VRK3: variants seen among roughly 807,000 people sequenced by gnomAD.
The protein encoded by VRK3 is VRK serine/threonine kinase 3, also known as serine/threonine-protein kinase VRK3.
A neutral mutation model predicts 60.4 loss-of-function variants in VRK3; 50 were observed. The observed-to-expected ratio is 0.83, with a 90% CI of 0.66 to 1.05. The LOEUF is 1.05. Ranked by LOEUF, VRK3 falls within the 50% of genes least tolerant of loss-of-function variation. VRK3 has a pLI of 0.00. For missense variants in VRK3, 549 were observed against 585.3 expected, an observed-to-expected ratio of 0.94 and a Z score of 0.64; for synonymous variants, 246 against 227.8, an observed-to-expected ratio of 1.08 and a Z score of -0.72.
chr19:50,007,962 G>A (rs562985941), intron 4 of VRK3, 136 bp from the exon 5 acceptor site: 215 of 1,294,836 alleles, frequency 1.7e-4, no homozygotes, highest in Non-Finnish European at 2.1e-4. Flanking sequence ...CCTTCTATGA[G>A]TCAGGCCTTT....
chr19:49,984,899 C>T (rs560676257), intron 12 of VRK3, among the ~76,000 whole-genome samples: 21 of 152,342 alleles, frequency 1.4e-4, no homozygotes, highest in African/African-American at 5.0e-4. Flanking sequence ...GCTGAGATTA[C>T]AGGCGTGAGC....
intron 4 of VRK3, among the ~76,000 whole-genome samples, chr19:50,008,040 G>C (rs950447982): frequency 2.0e-5 from 3 of 152,160 alleles, no homozygotes; most frequent in African/African-American, 7.2e-5. Context: ...GCCCAGTTTG[G>C]TGGGCAAGTC....
intron 6 of VRK3, chr19:49,998,480 A>C (rs1256024199): frequency 5.6e-5 from 2 of 35,744 alleles, no homozygotes; most frequent in Admixed American, 2.5e-4. Flanking sequence ...ATTTTGTAGC[A>C]AAAAAAAAAA....
Position 49,989,733 on chromosome 19 carries a change from G to A in VRK3, c.1002C>T (p.Cys334=), listed in dbSNP as rs1227382855. 2.5e-6 allele frequency: 4 copies of A among 1,613,446 alleles called. No homozygotes were observed. The highest frequency in any genetic ancestry group is 3.4e-6 in the Non-Finnish European group (4 of 1,179,648). ...LAGYGFAFRY[C]PSGKHVAYVE... ...CGTAGGCCACGTGTTTGCCACTTGG[G>A]CAATAGCGGAAGGCGAAGCCATAGC... The change falls in exon 11 of 15, where the codon TGC becomes TGT. Residue 334 remains cysteine (C), a synonymous_variant. Transcript: ENST00000316763.
intron 2 of VRK3, among the ~76,000 whole-genome samples, chr19:50,017,433 G>T (rs2077096176): frequency 6.6e-6 from 1 of 151,314 alleles, no homozygotes; most frequent in African/African-American, 2.4e-5. Context: ...AATTAGCCAG[G>T]CGTGGTGGTG....
chr19:49,992,736 T>G, intron 10 of VRK3, 124 bp downstream of exon 10: 1 of 798,778 alleles, frequency 1.3e-6, no homozygotes, highest in South Asian at 2.1e-5. Context: ...TTGAAGGAGC[T>G]CTTTATATAT....
intron 1 of VRK3, among the ~76,000 whole-genome samples, chr19:50,021,989 A>G (rs1002624214): frequency 6.6e-6 from 1 of 152,076 alleles, no homozygotes; most frequent in Non-Finnish European, 1.5e-5. Flanking sequence ...GGCGAGCCAG[A>G]CACATGATTT....
chr19:49,979,629 T>C (rs1048146048), intron 13 of VRK3, among the ~76,000 whole-genome samples: 14 of 152,210 alleles, frequency 9.2e-5, no homozygotes, highest in African/African-American at 3.4e-4. Flanking sequence ...CGGGCCCTGC[T>C]TCACCTCCAC....
At chr19:50,010,839 G>T (rs1163643059) in intron 3 of VRK3, among the ~76,000 whole-genome samples, 1 of 152,172 alleles carries the variant, frequency 6.6e-6, no homozygotes, top group Non-Finnish European at 1.5e-5. Flanking sequence ...CTTGAACACG[G>T]GAGGTGGAGG....
At position 49,984,776 on chromosome 19, in the gene VRK3, C is replaced by T. The variant is rs558242806; in HGVS notation, c.1217+3596G>A. The stretch of plus-strand genomic sequence containing the variant: ...CCTCCTGAGTAGCTGGGACTACAGT[C>T]GCGTGCCACCACACCCGGCTACTTT... On this transcript the variant is annotated intron_variant, in intron 12 of 14. Coordinates refer to ENST00000316763, the MANE Select transcript of VRK3 (RefSeq NM_016440.4). Among the ~76,000 whole-genome samples, 23 of 152,236 alleles carry T rather than the reference C, an allele frequency of 1.5e-4. 1 individual carries two copies. In the East Asian group the frequency reaches 3.1e-3, roughly 20 times the overall value.
intron 7 of VRK3, chr19:49,997,238 G>A (rs556968768): frequency 2.8e-4 from 91 of 321,616 alleles, no homozygotes; most frequent in Non-Finnish European, 2.1e-4. Flanking sequence ...GCCCACCTCA[G>A]CCTCCCAAAG....
At chr19:49,982,043 C>G (rs74375054) in intron 12 of VRK3, 10,552 of 677,668 alleles carry the variant, frequency 0.016, 485 homozygotes, top group East Asian at 0.1. Context: ...GGTGGTCCCC[C>G]GGAGGCGGCT....
intron 2 of VRK3, among the ~76,000 whole-genome samples, chr19:50,017,790 T>C (rs1348044330): frequency 6.6e-6 from 1 of 152,022 alleles, no homozygotes. Context: ...CCCAGGTAGC[T>C]GGAACTATAG....
chr19:50,000,119 C>T (rs2076775636), intron 6 of VRK3: 1 of 152,286 alleles, frequency 6.6e-6, no homozygotes, highest in Non-Finnish European at 1.5e-5. Context: ...GGGTGTGAGA[C>T]AATTCTGATA....
chr19:49,985,620 A>T (rs960285201), intron 12 of VRK3, among the ~76,000 whole-genome samples: 3 of 152,126 alleles, frequency 2.0e-5, no homozygotes, highest in African/African-American at 7.2e-5. Flanking sequence ...CATGACCCTC[A>T]TCAGTCTGAC....
chr19:50,000,999 C>T, intron 5 of VRK3, 145 bp from the exon 6 acceptor site: 1 of 659,702 alleles, frequency 1.5e-6, no homozygotes, highest in Non-Finnish European at 2.6e-6. Context: ...CGACTTGCTG[C>T]TTCCTAGTTT....
At chr19:49,988,606 C>G in intron 11 of VRK3, 114 bp from the exon 12 acceptor site, 1 of 1,380,924 alleles carries the variant, frequency 7.2e-7, no homozygotes, top group South Asian at 1.4e-5. Context: ...CTCATACACC[C>G]AGCCTTCCAG....
intron 3 of VRK3, among the ~76,000 whole-genome samples, chr19:50,013,791 T>TC (rs1433920779): frequency 1.1e-4 from 16 of 152,176 alleles, no homozygotes; most frequent in Admixed American, 3.9e-4. Context: ...AAAGTTTCTG[T>TC]CCTTATGGAG....
intron 4 of VRK3, among the ~76,000 whole-genome samples, chr19:50,008,077 G>A (rs546216994): frequency 7.2e-5 from 11 of 152,210 alleles, no homozygotes; most frequent in African/African-American, 1.9e-4. Context: ...AGTCAGATGC[G>A]GGTCTGAGAC....
Sources: gnomAD v4.1 joint callset for allele counts (sites outside exome capture counted in the v4.1 genomes callset) on GRCh38, gnomAD v4.1.1 for gene constraint, MANE v1.5 for transcripts, NCBI Gene and HGNC (gene_info 2026-07-23, HGNC 2026-07-21) for gene names.